CELSR1: variants seen among roughly 807,000 people sequenced by gnomAD.
CELSR1 encodes the protein cadherin EGF LAG seven-pass G-type receptor 1, also known as adhesion G protein-coupled receptor C1.
Under a neutral mutation model 249.1 loss-of-function variants are expected in CELSR1, and 110 were observed. The ratio of observed to expected loss-of-function variants is 0.44; its 90% CI spans 0.38 to 0.52. The LOEUF (loss-of-function observed/expected upper bound fraction) is 0.52. Ranked by LOEUF, CELSR1 falls within the 20% of genes least tolerant of loss-of-function variation. The probability of loss-of-function intolerance (pLI) is 0.00; values close to 1 mark genes in which losing one functional copy is unlikely to be tolerated. For missense variants in CELSR1, 4,109 were observed against 4,296.4 expected, an observed-to-expected ratio of 0.96 and a Z score of 1.22; for synonymous variants, 2,113 against 1,900.0, an observed-to-expected ratio of 1.11 and a Z score of -2.92.
In CELSR1 at chr22:46,409,653, G is replaced by A. The variant is rs2079308459; in HGVS notation, c.5059+102C>T. On this transcript the variant is annotated intron_variant, in intron 8 of 34. Transcript: ENST00000674500. This position sits in a 1 kb window ranked among gnomAD's most constrained non-coding sequence, Gnocchi z 9.8. ...GCAGCATATACCACCAGAGGCTGCC[G>A]GACCTGGATGTGAAGCCCCCTCACG... 7.8e-6 allele frequency: 11 copies of A among 1,417,926 alleles called. No individual in the cohort carries two copies. The highest frequency in any genetic ancestry group is 4.8e-5 in the South Asian group (4 of 83,702). 87.8% of individuals were successfully genotyped at this position (1,417,926 alleles called of 1,614,324 possible).
chr22:46,402,126 G>A lies in CELSR1; in HGVS notation c.5227-2224C>T, dbSNP rs894137107. Among the ~76,000 whole-genome samples the A allele has an allele frequency of 6.6e-6, 1 of 152,036 alleles. No homozygotes were observed. Among genetic ancestry groups the A allele is most frequent in the Admixed American group, 6.6e-5 (1 of 15,256 alleles). ...CAAAAAAGTCTGTGACTGCATTCAA[G>A]TGCTCTGGGAGGGAAAGTGCTCCTA... On this transcript the variant is annotated intron_variant, in intron 9 of 34. Coordinates refer to ENST00000674500, the MANE Select transcript of CELSR1 (RefSeq NM_001378328.1). The surrounding 1 kb of genome is among the most constrained non-coding windows in gnomAD (Gnocchi z 5.0).
chr22:46,530,526 T>C (rs1443620135), intron 1 of CELSR1: 2 of 152,160 alleles, frequency 1.3e-5, no homozygotes, highest in Non-Finnish European at 2.9e-5. Flanking sequence ...ACAGCCTTTA[T>C]ACAAGCTCAT....
intron 1 of CELSR1, among the ~76,000 whole-genome samples, chr22:46,499,428 A>C (rs59782933): frequency 6.5e-4 from 99 of 152,330 alleles, no homozygotes; most frequent in African/African-American, 2.4e-3. Context: ...GACAATGATA[A>C]CATCAAGCCT....
chr22:46,454,763 G>A lies in CELSR1; in HGVS notation c.4183+8944C>T, dbSNP rs1440577725. ...GCCTCCCACCCTGGAGTGGCCCGTG[G>A]TCCTCGCAGACACGCGACAGGCAGG... On this transcript the variant is annotated intron_variant, in intron 2 of 34. Coordinates refer to ENST00000674500, the MANE Select transcript of CELSR1 (RefSeq NM_001378328.1). The surrounding 1 kb of genome is among the most constrained non-coding windows in gnomAD (Gnocchi z 5.1). Among the ~76,000 whole-genome samples the A allele has an allele frequency of 1.3e-5, 2 of 152,238 alleles. No individual in the cohort carries two copies. Among genetic ancestry groups the A allele is most frequent in the Non-Finnish European group, 2.9e-5 (2 of 68,042 alleles).
chr22:46,510,055 G>A (rs1453597411), intron 1 of CELSR1, among the ~76,000 whole-genome samples: 1 of 152,234 alleles, frequency 6.6e-6, no homozygotes, highest in East Asian at 1.9e-4. Flanking sequence ...GCAAGAACAT[G>A]TCCAGAAGGC....
Position 46,429,329 on chromosome 22 carries a change from C to T in CELSR1, c.4611+4064G>A, listed in dbSNP as rs548762363. 5.4e-4 allele frequency among the ~76,000 whole-genome samples: 82 copies of T among 152,222 alleles called. No individual in the cohort carries two copies. Among genetic ancestry groups the T allele is most frequent in the African/African-American group, 2.0e-3 (81 of 41,496 alleles). On this transcript the variant is annotated intron_variant, in intron 5 of 34. Transcript: ENST00000674500. This position sits in a 1 kb window ranked among gnomAD's most constrained non-coding sequence, Gnocchi z 4.1. ...AGTTGTGGACACACCTTCAAACCAG[C>T]CTTGAGGGAAAAAACAAACAAACAA...
intron 2 of CELSR1, among the ~76,000 whole-genome samples, chr22:46,457,853 T>C (rs532908465): frequency 1.2e-4 from 19 of 152,284 alleles, no homozygotes; most frequent in African/African-American, 4.6e-4. Context: ...CGGTTCCTCC[T>C]AGCTCAGCAC....
In CELSR1 at chr22:46,371,162, G is replaced by A. The variant is rs187072778; in HGVS notation, c.7760-1358C>T. 1.8e-3 allele frequency among the ~76,000 whole-genome samples: 274 copies of A among 152,320 alleles called. 1 individual carries two copies. The highest frequency in any genetic ancestry group is 6.5e-3 in the African/African-American group (271 of 41,570). ...CCCCACCTCAGTGGCCCTGGGTGGA[G>A]GTGAAAAAGGTTCTTCAGGGTCCCT... On this transcript the variant is annotated intron_variant, in intron 25 of 34. Transcript: ENST00000674500.
chr22:46,368,601 G>A (rs898440826), intron 27 of CELSR1, among the ~76,000 whole-genome samples: 10 of 148,782 alleles, frequency 6.7e-5, no homozygotes, highest in African/African-American at 2.6e-4. Flanking sequence ...CCAGGGGCTG[G>A]CCTTGTTGTC....
intron 5 of CELSR1, among the ~76,000 whole-genome samples, chr22:46,420,535 G>T (rs1175901347): frequency 6.6e-6 from 1 of 152,198 alleles, no homozygotes; most frequent in South Asian, 2.1e-4. Flanking sequence ...ATACTTGCAT[G>T]TGCACACACA....
chr22:46,519,108 C>T (rs1433146442), intron 1 of CELSR1, among the ~76,000 whole-genome samples: 1 of 151,870 alleles, frequency 6.6e-6, no homozygotes, highest in African/African-American at 2.4e-5. Flanking sequence ...GAAAACATGA[C>T]ACTGGCCGGG....
At position 46,468,385 on chromosome 22, in the gene CELSR1, C is replaced by CA. The variant is rs34099713; in HGVS notation, c.3545-4041dup. Among the ~76,000 whole-genome samples the CA allele has an allele frequency of 0.031, 4,428 of 141,722 alleles. 226 individuals carry two copies. Among genetic ancestry groups the CA allele is most frequent in the African/African-American group, 0.11 (4,096 of 38,090 alleles). 93.0% of individuals were successfully genotyped at this position (141,722 alleles called of 152,430 possible). A position where few individuals can be genotyped will look rare whatever the true frequency, so the allele number is the denominator to read the frequency against. On this transcript the variant is annotated intron_variant, in intron 1 of 34. Transcript: ENST00000674500. This position sits in a 1 kb window ranked among gnomAD's most constrained non-coding sequence, Gnocchi z 4.5. ...TGGGCAACAAAGCAAGACTCTGTCT[C>CA]AAAAAAAAAAAAAAATGTGGTCCAT... is the stretch of plus-strand genomic sequence containing the variant.
At chr22:46,516,951 C>T (rs1036223073) in intron 1 of CELSR1, among the ~76,000 whole-genome samples, 3 of 152,226 alleles carry the variant, frequency 2.0e-5, no homozygotes, top group African/African-American at 7.2e-5. Flanking sequence ...AGTGTCACGG[C>T]TGGCAAAGCC....
chr22:46,415,693 G>C (rs2079391813), intron 5 of CELSR1, among the ~76,000 whole-genome samples: 1 of 151,968 alleles, frequency 6.6e-6, no homozygotes, highest in Non-Finnish European at 1.5e-5. Context: ...TCCACCTGAA[G>C]AACTTTCGGG....
rs1268335601 is a variant in CELSR1 at position 46,439,289 on chromosome 22, C to T, written c.4306G>A (p.Glu1436Lys). ...GTGGTCACCTCACAGTAGGGCCTCT[C>T]ATACTCGCCAGGAGGACACACGCAG... ...FHCVCPPGEY[E>K]RPYCEVTTRS... The change falls in exon 3 of 35, where the codon GAG becomes AAG. Residue 1436 changes from glutamate to lysine, a missense_variant. Physicochemically the swap from Glu to Lys is moderately conservative, Grantham distance 56 (BLOSUM62 1). Around this residue, in one of 7 missense-constraint regions of CELSR1, gnomAD observed 453 missense variants for 492.0 expected, o/e 0.92. Transcript: ENST00000674500. 1.9e-6 allele frequency: 3 copies of T among 1,614,096 alleles called. No individual in the cohort carries two copies. The highest frequency in any genetic ancestry group is 1.3e-5 in the African/African-American group (1 of 75,038).
rs113776795 is a variant in CELSR1, at chr22:46,380,147, A to T, written c.7256+641T>A. 0.037 allele frequency among the ~76,000 whole-genome samples: 5,613 copies of T among 152,018 alleles called. 145 individuals are homozygous for T. The highest frequency in any genetic ancestry group is 0.058 in the Non-Finnish European group (3,937 of 67,968). On this transcript the variant is annotated intron_variant, in intron 22 of 34. Transcript: ENST00000674500. This position sits in a 1 kb window ranked among gnomAD's most constrained non-coding sequence, Gnocchi z 5.1. ...CCAGTCTCACGTGTGGGTGAGAATC[A>T]CTCATTTTGCATTTTTCTAACGACG... is the stretch of plus-strand genomic sequence containing the variant.
rs2078703362 is a variant in CELSR1, at chr22:46,361,460, T to TA, written c.*1762dup. On this transcript the variant is annotated 3_prime_UTR_variant, in exon 35 of 35. Transcript: ENST00000674500. ...TACACCTCAGGGGGCAGAATCCTGT[T>TA]AAAGTCATGAAAGGAGACTGTTCGA... is the stretch of plus-strand genomic sequence containing the variant. 1 of 152,382 alleles carries TA rather than the reference T, an allele frequency of 6.6e-6. No homozygotes were observed. The highest frequency in any genetic ancestry group is 2.1e-4 in the South Asian group (1 of 4,832). 9.4% of individuals were successfully genotyped at this position (152,382 alleles called of 1,614,324 possible).
intron 1 of CELSR1, among the ~76,000 whole-genome samples, chr22:46,475,229 T>G (rs1395493547): frequency 1.3e-5 from 2 of 151,784 alleles, no homozygotes; most frequent in Non-Finnish European, 2.9e-5. Flanking sequence ...GGATAAACAT[T>G]ACACATTATT....
In CELSR1 at chr22:46,407,718, C is replaced by T. The variant is rs1383708077; in HGVS notation, c.5226+1278G>A. ...ATGAATCTGTCAAATCAAGACAGAG[C>T]GCCCTGCTCAGGCACGGCTCCCACA... On this transcript the variant is annotated intron_variant, in intron 9 of 34. Transcript: ENST00000674500. The surrounding 1 kb of genome is among the most constrained non-coding windows in gnomAD (Gnocchi z 4.8). 6.6e-6 allele frequency among the ~76,000 whole-genome samples: 1 copy of T among 152,184 alleles called. No individual in the cohort carries two copies. The highest frequency in any genetic ancestry group is 1.5e-5 in the Non-Finnish European group (1 of 68,040).
Sources: gnomAD v4.1 joint callset for allele counts (sites outside exome capture counted in the v4.1 genomes callset) on GRCh38, gnomAD v4.1.1 for gene constraint, gnomAD v4.1.1 regional missense constraint, Gnocchi (gnomAD v3.1) non-coding constraint, MANE v1.5 for transcripts, NCBI Gene and HGNC (gene_info 2026-07-23, HGNC 2026-07-21) for gene names.